ENPEP: variants seen among roughly 807,000 people sequenced by gnomAD.
The protein encoded by ENPEP is glutamyl aminopeptidase.
Under a neutral mutation model 114.5 loss-of-function variants are expected in ENPEP, and 103 were observed. The ratio of observed to expected loss-of-function variants is 0.90; its 90% CI spans 0.77 to 1.06. The LOEUF is 1.06. Ranked by LOEUF, ENPEP falls within the 50% of genes least tolerant of loss-of-function variation. The pLI is 0.00. For synonymous variants in ENPEP, 420 were observed against 422.0 expected, an observed-to-expected ratio of 1.00 and a Z score of 0.06; for missense variants, 1,196 against 1,161.3, an observed-to-expected ratio of 1.03 and a Z score of -0.43.
chr4:110,515,290 T>G, intron 7 of ENPEP, 87 bp from the exon 8 acceptor site: 8 of 1,067,308 alleles, frequency 7.5e-6, no homozygotes, highest in South Asian at 1.4e-5. Flanking sequence ...AATATGATCA[T>G]GAAATACTAG....
intron 8 of ENPEP, chr4:110,519,045 A>G: frequency 4.4e-6 from 2 of 455,742 alleles, no homozygotes; most frequent in Non-Finnish European, 8.8e-6. Context: ...AATACCTAAA[A>G]GTGATTGCTG....
intron 3 of ENPEP, among the ~76,000 whole-genome samples, chr4:110,501,965 A>C (rs909910540): frequency 6.6e-6 from 1 of 152,116 alleles, no homozygotes; most frequent in African/African-American, 2.4e-5. Context: ...TTGACCTTTT[A>C]ATAATAGCCA....
intron 6 of ENPEP, among the ~76,000 whole-genome samples, chr4:110,510,720 T>TA (rs1190195347): frequency 6.6e-6 from 1 of 152,170 alleles, no homozygotes; most frequent in Non-Finnish European, 1.5e-5. Context: ...GTGAACGACT[T>TA]ACTTTATTTC....
At chr4:110,485,454 C>CT (rs1381750779) in intron 1 of ENPEP, among the ~76,000 whole-genome samples, 1 of 152,112 alleles carries the variant, frequency 6.6e-6, no homozygotes, top group Non-Finnish European at 1.5e-5. Context: ...CCCTTTACCC[C>CT]TTAACATCAG....
At chr4:110,548,414 A>G (rs1578418119) in intron 14 of ENPEP, 88 bp downstream of exon 14, 1 of 1,159,240 alleles carries the variant, frequency 8.6e-7, no homozygotes, top group Non-Finnish European at 1.1e-6. Context: ...GCTCTTGGGG[A>G]CCTAAACCAT....
intron 19 of ENPEP, 149 bp from the exon 20 acceptor site, chr4:110,561,257 C>A: frequency 1.2e-6 from 1 of 818,206 alleles, no homozygotes; most frequent in Non-Finnish European, 1.9e-6. Context: ...TGGGTTCAGT[C>A]TGAATGATGC....
At chr4:110,479,473 T>A (rs1185524205) in intron 1 of ENPEP, among the ~76,000 whole-genome samples, 1 of 152,116 alleles carries the variant, frequency 6.6e-6, no homozygotes, top group Admixed American at 6.6e-5. Context: ...AATGCATGTA[T>A]GTCTGTGTAT....
At chr4:110,560,062 T>C (rs1727629077) in intron 19 of ENPEP, among the ~76,000 whole-genome samples, 1 of 152,198 alleles carries the variant, frequency 6.6e-6, no homozygotes, top group Non-Finnish European at 1.5e-5. Context: ...TCTGTTCCTG[T>C]ATTAGTTTGC....
At position 110,497,078 on chromosome 4, in the gene ENPEP, GC is replaced by G. The variant is rs1276124903; in HGVS notation, c.918+5915del. Among the ~76,000 whole-genome samples the G allele has an allele frequency of 5.9e-5, 9 of 152,304 alleles. No individual in the cohort carries two copies. In the East Asian group the frequency reaches 1.4e-3, roughly 23 times the overall value. ...AATATTTAGGGAGTGATAATTAAAG[GC>G]TATGTGAATATCCTGTTAGTTCTTC... On this transcript the variant is annotated intron_variant, in intron 3 of 19. Coordinates refer to ENST00000265162, the MANE Select transcript of ENPEP (RefSeq NM_001977.4).
intron 1 of ENPEP, among the ~76,000 whole-genome samples, chr4:110,486,274 G>T (rs1199050794): frequency 6.6e-6 from 1 of 152,118 alleles, no homozygotes; most frequent in African/African-American, 2.4e-5. Context: ...TTTGCCAAAG[G>T]CAGTCAAATC....
intron 4 of ENPEP, among the ~76,000 whole-genome samples, chr4:110,508,011 T>G (rs909973837): frequency 6.6e-5 from 10 of 152,174 alleles, no homozygotes; most frequent in Admixed American, 1.3e-4. Flanking sequence ...ATTGTACACA[T>G]GAATTTAAAG....
intron 18 of ENPEP, among the ~76,000 whole-genome samples, chr4:110,557,461 A>G (rs1398022816): frequency 1.3e-5 from 2 of 152,224 alleles, no homozygotes; most frequent in Admixed American, 6.5e-5. Flanking sequence ...ACATAAGGGA[A>G]CAGAGGTTTT....
At chr4:110,554,441 T>C (rs2110399682) in intron 18 of ENPEP, among the ~76,000 whole-genome samples, 2 of 152,110 alleles carry the variant, frequency 1.3e-5, no homozygotes, top group Middle Eastern at 6.8e-3. Context: ...TACACTACAT[T>C]GCTTCTGCCT....
chr4:110,476,589 C>T lies in ENPEP; in HGVS notation c.175C>T (p.His59Tyr), dbSNP rs1213262600. 1.2e-6 allele frequency: 2 copies of T among 1,614,114 alleles called. No individual in the cohort carries two copies. Among genetic ancestry groups the T allele is most frequent in the South Asian group, 2.2e-5 (2 of 91,088 alleles). The change falls in exon 1 of 20, where the codon CAC (histidine) becomes TAC (tyrosine). Residue 59 changes from histidine to tyrosine, a missense_variant. Transcript: ENST00000265162. ...GCCGGGCACTGCGCCAGCTCCTTCC[C>T]ACCTGCCTTCTTCCACGGCCAGCCC... is the stretch of plus-strand genomic sequence containing the variant. Reference protein sequence around the residue: ...GGPGTAPAPSHLPSSTASPSG... With the variant: ...GGPGTAPAPSYLPSSTASPSG...
At chr4:110,511,752 C>T (rs563551688) in intron 6 of ENPEP, among the ~76,000 whole-genome samples, 2 of 148,840 alleles carry the variant, frequency 1.3e-5, no homozygotes, top group Admixed American at 1.3e-4. Context: ...TTCATCTATT[C>T]ATTCATTCCT....
chr4:110,564,383 T>G lies in ENPEP; in HGVS notation c.*2825T>G, dbSNP rs1164201353. On this transcript the variant is annotated 3_prime_UTR_variant, in exon 20 of 20. Transcript: ENST00000265162. Reference sequence around the variant, plus strand: ...GTTGGAATATCAACTACTTGGTAGTTGAGTGCTTTTAACCTCTCCATTGTT... The same window carrying G: ...GTTGGAATATCAACTACTTGGTAGTGGAGTGCTTTTAACCTCTCCATTGTT... 1 of 152,180 alleles carries G rather than the reference T, an allele frequency of 6.6e-6. No individual in the cohort carries two copies. The highest frequency in any genetic ancestry group is 1.9e-4 in the East Asian group (1 of 5,194). The allele number at this position is 152,180 out of a possible 1,614,324, so 9.4% of individuals were successfully genotyped here.
chr4:110,509,693 G>C lies in ENPEP; in HGVS notation c.1080G>C (p.Glu360Asp), dbSNP rs752494302. 1 of 1,613,860 alleles carries C rather than the reference G, an allele frequency of 6.2e-7. No individual in the cohort carries two copies. The highest frequency in any genetic ancestry group is 8.5e-7 in the Non-Finnish European group (1 of 1,179,940). The stretch of plus-strand genomic sequence containing the variant: ...CAGATTTTGGCACTGGTGCCATGGA[G>C]AACTGGGGACTCATCACGTACAGAG... ...AIPDFGTGAM[E>D]NWGLITYRET... Residue 360 changes from glutamate (E) to aspartate (D), a missense_variant, in exon 5 of 20, where the codon GAG becomes GAC. By Grantham distance (45) the Glu-to-Asp change is conservative. Coordinates refer to ENST00000265162, the MANE Select transcript of ENPEP (RefSeq NM_001977.4).
At position 110,476,278 on chromosome 4, in the gene ENPEP, A is replaced by C; in HGVS notation, c.-137A>C. 1 of 1,060,114 alleles carries C rather than the reference A, an allele frequency of 9.4e-7. No individual in the cohort carries two copies. Among genetic ancestry groups the C allele is most frequent in the Non-Finnish European group, 1.3e-6 (1 of 749,478 alleles). The allele number at this position is 1,060,114 out of a possible 1,614,324, so 65.7% of individuals were successfully genotyped here. On this transcript the variant is annotated 5_prime_UTR_variant, in exon 1 of 20. Coordinates refer to ENST00000265162, the MANE Select transcript of ENPEP (RefSeq NM_001977.4). The stretch of plus-strand genomic sequence containing the variant: ...GGGAGAGGAAAAGGCGCAAGAAGCC[A>C]GAGAGAGGGGTGTGGGAAAAGCGAA...
chr4:110,559,140 A>G (rs1217629030), intron 18 of ENPEP: 1 of 153,050 alleles, frequency 6.5e-6, no homozygotes, highest in African/African-American at 2.4e-5. Context: ...CTGTGAGGCC[A>G]GGCCAGTATC....
Sources: gnomAD v4.1 joint callset for allele counts (sites outside exome capture counted in the v4.1 genomes callset) on GRCh38, gnomAD v4.1.1 for gene constraint, MANE v1.5 for transcripts, NCBI Gene and HGNC (gene_info 2026-07-23, HGNC 2026-07-21) for gene names.